Variants in LRP2BP observed in about 807,000 individuals in gnomAD.
LRP2BP encodes LRP2 binding protein.
In LRP2BP, 38 loss-of-function variants were observed where a neutral mutation model predicts 45.2. The observed-to-expected ratio is 0.84, with a 90% CI of 0.65 to 1.10. The LOEUF (loss-of-function observed/expected upper bound fraction) is 1.10, where lower values mean the gene tolerates loss of function less well. Ranked by LOEUF, LRP2BP falls within the 50% of genes least tolerant of loss-of-function variation. The pLI is 0.00. For synonymous variants in LRP2BP, 153 were observed against 153.9 expected (o/e 0.99, Z 0.04); for missense variants, 385 against 418.9 (o/e 0.92, Z 0.71).
intron 8 of LRP2BP, 61 bp from the exon 9 acceptor site, chr4:185,367,306 T>C (rs1014340161): frequency 3.4e-5 from 48 of 1,403,668 alleles, no homozygotes; most frequent in Middle Eastern, 1.8e-4. Flanking sequence ...CTTTCTTCTT[T>C]TTTTTTTTTT....
chr4:185,377,248 T>C (rs1303196142), intron 2 of LRP2BP: 2 of 454,558 alleles, frequency 4.4e-6, no homozygotes, highest in African/African-American at 2.0e-5. Context: ...CCGGGCGCGG[T>C]GGCTCACGCC....
intron 1 of LRP2BP, among the ~76,000 whole-genome samples, chr4:185,385,270 A>T (rs1317906676): frequency 6.6e-6 from 1 of 152,082 alleles, no homozygotes; most frequent in South Asian, 2.1e-4. Context: ...TCTTCTCTGG[A>T]GCCGATACTG....
At position 185,368,790 on chromosome 4, in the gene LRP2BP, G is replaced by GT. The variant is rs1199659402; in HGVS notation, c.979-1546dup. ...GAAAATCGTTCTCAGATTGGAATCT[G>GT]TTTTGTTTTTTTTTTTTTTTTGAGA... On this transcript the variant is annotated intron_variant, in intron 8 of 8. Coordinates refer to ENST00000505916, the MANE Select transcript of LRP2BP (RefSeq NM_001377440.1). Among the ~76,000 whole-genome samples the GT allele has an allele frequency of 5.9e-4, 81 of 137,298 alleles. 1 individual carries two copies. Among genetic ancestry groups the GT allele is most frequent in the African/African-American group, 2.2e-3 (74 of 33,338 alleles). The allele number at this position is 137,298 out of a possible 152,430, so 90.1% of individuals were successfully genotyped here.
intron 8 of LRP2BP, among the ~76,000 whole-genome samples, chr4:185,369,092 A>C (rs6851813): frequency 0.39 from 57,770 of 150,006 alleles, 13,462 homozygotes; most frequent in African/African-American, 0.67. Flanking sequence ...CGGTACCTGG[A>C]CTTTTTTTGT....
upstream of LRP2BP, chr4:185,396,017 G>A (rs149856749): frequency 1.3e-3 from 789 of 599,272 alleles, 8 homozygotes; most frequent in African/African-American, 0.014. Context: ...CCGCGGGGCC[G>A]GACAGCGGCT....
At chr4:185,368,006 C>T (rs1041169213) in intron 8 of LRP2BP, among the ~76,000 whole-genome samples, 1 of 152,026 alleles carries the variant, frequency 6.6e-6, no homozygotes, top group Admixed American at 6.6e-5. Flanking sequence ...AGTGAAACTC[C>T]GTCTCTACTA....
intron 8 of LRP2BP, among the ~76,000 whole-genome samples, chr4:185,369,106 T>C (rs2095404951): frequency 6.6e-6 from 1 of 151,176 alleles, no homozygotes; most frequent in African/African-American, 2.4e-5. Flanking sequence ...TTTTTGTTGT[T>C]CTAGTCAGGA....
At chr4:185,384,636 T>C (rs2095465069) in intron 1 of LRP2BP, among the ~76,000 whole-genome samples, 1 of 150,828 alleles carries the variant, frequency 6.6e-6, no homozygotes. Context: ...TAGATAATGT[T>C]CCTAGTGCCC....
intron 1 of LRP2BP, among the ~76,000 whole-genome samples, chr4:185,384,198 T>G (rs1378610955): frequency 6.6e-6 from 1 of 152,076 alleles, no homozygotes; most frequent in Non-Finnish European, 1.5e-5. Flanking sequence ...TGCAGAGAGC[T>G]CACTCTTTTG....
chr4:185,385,924 GAAAT>G (rs2095470536), intron 1 of LRP2BP, among the ~76,000 whole-genome samples: 1 of 142,760 alleles, frequency 7.0e-6, no homozygotes, highest in African/African-American at 2.7e-5. Context: ...GGGAGATAAA[GAAAT>G]AACATCATCT....
At chr4:185,374,874 G>A (rs941522038) in intron 4 of LRP2BP, among the ~76,000 whole-genome samples, 2 of 152,006 alleles carry the variant, frequency 1.3e-5, no homozygotes, top group African/African-American at 4.8e-5. Flanking sequence ...ATACACTTGC[G>A]AGCCCCTAAC....
chr4:185,379,548 T>C (rs67132570), intron 1 of LRP2BP, among the ~76,000 whole-genome samples: 18,483 of 152,302 alleles, frequency 0.12, 1,201 homozygotes, highest in Middle Eastern at 0.18. Context: ...TTTTTGCTGC[T>C]GTAGCTTAAA....
Position 185,364,781 on chromosome 4 carries a change from C to G in LRP2BP, c.*2399G>C, listed in dbSNP as rs1196133689. ...TAGAAAAGACCAGATAAAATACATT[C>G]AAGGAAGAGAGGCAATGTGAAGTTG... On this transcript the variant is annotated 3_prime_UTR_variant, in exon 9 of 9. Coordinates refer to ENST00000505916, the MANE Select transcript of LRP2BP (RefSeq NM_001377440.1). 6.6e-6 allele frequency: 1 copy of G among 152,022 alleles called. No individual in the cohort carries two copies. Among genetic ancestry groups the G allele is most frequent in the African/African-American group, 2.4e-5 (1 of 41,384 alleles). 9.4% of individuals were successfully genotyped at this position (152,022 alleles called of 1,614,324 possible). A position where few individuals can be genotyped will look rare whatever the true frequency, so the allele number is the denominator to read the frequency against.
chr4:185,372,059 G>A (rs527605237), intron 7 of LRP2BP, among the ~76,000 whole-genome samples: 85 of 152,190 alleles, frequency 5.6e-4, no homozygotes, highest in African/African-American at 2.0e-3. Context: ...GAGAAAAGAC[G>A]TCTTTTATAT....
At chr4:185,397,266 C>G (rs780649180), upstream of LRP2BP, 1 of 1,614,004 alleles carries the variant, frequency 6.2e-7, no homozygotes, top group Non-Finnish European at 8.5e-7. Flanking sequence ...GCTTTCTTCT[C>G]TGGCAGCTGC....
intron 7 of LRP2BP, 47 bp downstream of exon 7, chr4:185,372,809 T>A (rs373553940): frequency 7.7e-6 from 11 of 1,433,868 alleles, no homozygotes; most frequent in Non-Finnish European, 9.7e-6. Context: ...AATTACCTAG[T>A]GTGTGATATT....
At chr4:185,387,851 G>A (rs1045025189) in intron 1 of LRP2BP, among the ~76,000 whole-genome samples, 4 of 152,156 alleles carry the variant, frequency 2.6e-5, no homozygotes, top group African/African-American at 9.7e-5. Context: ...CCACGTCTCC[G>A]TGCCTTGAAA....
upstream of LRP2BP, chr4:185,396,748 C>T (rs972074976): frequency 3.0e-6 from 2 of 673,620 alleles, no homozygotes; most frequent in Middle Eastern, 4.1e-4. Context: ...GAGGATTAGG[C>T]TGCTCGGGCG....
chr4:185,379,787 C>T (rs1202526335), intron 1 of LRP2BP, among the ~76,000 whole-genome samples: 1 of 151,794 alleles, frequency 6.6e-6, no homozygotes, highest in African/African-American at 2.4e-5. Context: ...AGCAGAACAG[C>T]TGGCGTGTCC....
Sources: allele counts gnomAD v4.1 joint callset (sites outside exome capture counted in the v4.1 genomes callset), GRCh38; gene constraint gnomAD v4.1.1; transcripts MANE v1.5; gene names NCBI Gene and HGNC (gene_info 2026-07-23, HGNC 2026-07-21).